Variants in PDE9A observed in about 807,000 individuals in gnomAD.
PDE9A encodes phosphodiesterase 9A, also known as high affinity cGMP-specific 3',5'-cyclic phosphodiesterase 9A.
A neutral mutation model predicts 87.4 loss-of-function variants in PDE9A; 60 were observed. That is an observed-to-expected ratio of 0.69 (90% CI 0.56 to 0.85). PDE9A has a LOEUF of 0.85. Among genes scored for constraint, PDE9A ranks in the 40% least tolerant of loss-of-function variants. The pLI is 0.00. For missense variants in PDE9A, 665 were observed against 779.0 expected, an observed-to-expected ratio of 0.85 and a Z score of 1.74; for synonymous variants, 272 against 279.4, an observed-to-expected ratio of 0.97 and a Z score of 0.27.
At chr21:42,768,756 T>C (rs1448863158) in intron 16 of PDE9A, 1 of 985,258 alleles carries the variant, frequency 1.0e-6, no homozygotes, top group Non-Finnish European at 1.2e-6. Context: ...GTCGGGAGGC[T>C]TTCTGCAGGA....
At chr21:42,657,875 T>A (rs1037821380) in intron 1 of PDE9A, among the ~76,000 whole-genome samples, 9 of 152,250 alleles carry the variant, frequency 5.9e-5, no homozygotes, top group African/African-American at 1.9e-4. Context: ...TTGGCCTTGC[T>A]CTGCAGCTGG....
Position 42,771,411 on chromosome 21 carries a change from C to T in PDE9A, c.1686+613C>T, listed in dbSNP as rs531837558. On this transcript the variant is annotated intron_variant, in intron 18 of 19. Transcript: ENST00000291539. ...TTCCCCACGGCTGTCTGCTGTCCTG[C>T]TGCCCATGGTGTGGCCTCTGCCCCT... is the stretch of plus-strand genomic sequence containing the variant. 9.2e-5 allele frequency among the ~76,000 whole-genome samples: 14 copies of T among 152,352 alleles called. No homozygotes were observed. In the East Asian group the frequency reaches 2.5e-3, roughly 27 times the overall value.
intron 10 of PDE9A, chr21:42,758,736 G>A (rs1291150829): frequency 1.0e-5 from 4 of 398,478 alleles, no homozygotes; most frequent in African/African-American, 2.1e-5. Flanking sequence ...GGCCCTCCAC[G>A]CCCCAGGATC....
At chr21:42,748,258 G>A (rs555217966) in intron 8 of PDE9A, among the ~76,000 whole-genome samples, 1 of 152,320 alleles carries the variant, frequency 6.6e-6, no homozygotes, top group East Asian at 1.9e-4. Flanking sequence ...TCTCAGAAAT[G>A]TGTAAATGGA....
intron 15 of PDE9A, 89 bp downstream of exon 15, chr21:42,765,583 C>G (rs2056313699): frequency 1.3e-6 from 1 of 753,218 alleles, no homozygotes; most frequent in Non-Finnish European, 2.4e-6. Context: ...AGCCAAGAAG[C>G]TGAAATTATT....
At chr21:42,678,025 G>T (rs1281519934) in intron 1 of PDE9A, among the ~76,000 whole-genome samples, 1 of 152,230 alleles carries the variant, frequency 6.6e-6, no homozygotes, top group African/African-American at 2.4e-5. Flanking sequence ...ATTTCCAGTG[G>T]TCATTGGCTT....
intron 6 of PDE9A, among the ~76,000 whole-genome samples, chr21:42,732,967 C>T (rs9984865): frequency 1.1e-3 from 172 of 152,258 alleles, no homozygotes; most frequent in Non-Finnish European, 2.0e-3. Context: ...TGGGTTGGAG[C>T]CTCCAGAGAG....
At chr21:42,667,148 G>A (rs1216431753) in intron 1 of PDE9A, among the ~76,000 whole-genome samples, 1 of 152,220 alleles carries the variant, frequency 6.6e-6, no homozygotes, top group Non-Finnish European at 1.5e-5. Context: ...ACCCCAACAT[G>A]CTTTGCAGCC....
chr21:42,664,900 T>G (rs1413172251), intron 1 of PDE9A, among the ~76,000 whole-genome samples: 1 of 152,244 alleles, frequency 6.6e-6, no homozygotes, highest in African/African-American at 2.4e-5. Context: ...CTGCTGTGAG[T>G]TGAATTGTGT....
chr21:42,751,682 G>A (rs930156025), intron 9 of PDE9A, among the ~76,000 whole-genome samples: 1 of 151,540 alleles, frequency 6.6e-6, no homozygotes, highest in Admixed American at 6.6e-5. Context: ...GGAGGGTCTC[G>A]AGTTGCCGGT....
At chr21:42,655,567 G>A (rs557475462) in intron 1 of PDE9A, among the ~76,000 whole-genome samples, 1 of 152,234 alleles carries the variant, frequency 6.6e-6, no homozygotes, top group East Asian at 1.9e-4. Context: ...GGGGAGAGGC[G>A]GATTGACTGC....
At position 42,759,194 on chromosome 21, in the gene PDE9A, C is replaced by T. The variant is rs571328200; in HGVS notation, c.897+109C>T. 1.5e-5 allele frequency: 11 copies of T among 738,512 alleles called. No individual in the cohort carries two copies. The highest frequency in any genetic ancestry group is 1.4e-4 in the South Asian group (9 of 62,336). The allele number at this position is 738,512 out of a possible 1,614,324, so 45.7% of individuals were successfully genotyped here. A position where few individuals can be genotyped will look rare whatever the true frequency, so the allele number is the denominator to read the frequency against. ...GCACCTTCCGGATGGCACTGCGCTC[C>T]CTGTGAGCAGAGGTGACATTTCCCC... is the stretch of plus-strand genomic sequence containing the variant. On this transcript the variant is annotated intron_variant, in intron 11 of 19. Coordinates refer to ENST00000291539, the MANE Select transcript of PDE9A (RefSeq NM_002606.3). The surrounding 1 kb of genome is among the most constrained non-coding windows in gnomAD (Gnocchi z 7.2).
At chr21:42,770,911 G>A (rs2056969672) in intron 18 of PDE9A, 113 bp downstream of exon 18, 14 of 738,182 alleles carry the variant, frequency 1.9e-5, no homozygotes, top group African/African-American at 7.0e-5. Context: ...TGAAGGCCCC[G>A]TGGACAGGCA....
In PDE9A at chr21:42,675,232, T is replaced by G. The variant is rs557295315; in HGVS notation, c.70-10960T>G. ...TAAATTGTCTTCAAAAACATGATTTTAATGCCTCTATAAAGTTCCATCATG... is the reference window on the plus strand; with the variant it reads ...TAAATTGTCTTCAAAAACATGATTTGAATGCCTCTATAAAGTTCCATCATG... On this transcript the variant is annotated intron_variant, in intron 1 of 19. Coordinates refer to ENST00000291539, the MANE Select transcript of PDE9A (RefSeq NM_002606.3). This position sits in a 1 kb window ranked among gnomAD's most constrained non-coding sequence, Gnocchi z 4.3. Among the ~76,000 whole-genome samples, 1 of 152,386 alleles carries G rather than the reference T, an allele frequency of 6.6e-6. No homozygotes were observed. The highest frequency in any genetic ancestry group is 2.1e-4 in the South Asian group (1 of 4,832).
In PDE9A at chr21:42,769,059, G is replaced by C; in HGVS notation, c.1494G>C (p.Val498=). The C allele has an allele frequency of 6.2e-7, 1 of 1,613,496 alleles. No homozygotes were observed. The highest frequency in any genetic ancestry group is 8.5e-7 in the Non-Finnish European group (1 of 1,179,550). ...GTGAGAAGTCAGAAGGCCTTCCTGT[G>C]GCACCGTTCATGGACCGAGACAAAG... is the stretch of plus-strand genomic sequence containing the variant. ...SDREKSEGLP[V]APFMDRDKVT... Residue 498 remains valine (V), a synonymous_variant, in exon 17 of 20, where the codon GTG becomes GTC. Coordinates refer to ENST00000291539, the MANE Select transcript of PDE9A (RefSeq NM_002606.3).
intron 4 of PDE9A, among the ~76,000 whole-genome samples, chr21:42,716,484 T>A (rs1199941433): frequency 1.3e-5 from 2 of 151,732 alleles, no homozygotes; most frequent in Admixed American, 1.3e-4. Context: ...TAGTGACATA[T>A]CATGATAAGC....
rs545341752 is a variant in PDE9A at position 42,763,920 on chromosome 21, G to A, written c.1243-1461G>A. Among the ~76,000 whole-genome samples the A allele has an allele frequency of 6.9e-4, 105 of 152,356 alleles. 3 individuals carry two copies. In the South Asian group the frequency reaches 0.02, roughly 29 times the overall value. Reference sequence around the variant, plus strand: ...TCAGTGAAGCATTTGGGGAAGCTCCGAGGAAGCAGCATGCTCCCTGGGACG... The same window carrying A: ...TCAGTGAAGCATTTGGGGAAGCTCCAAGGAAGCAGCATGCTCCCTGGGACG... On this transcript the variant is annotated intron_variant, in intron 14 of 19. Transcript: ENST00000291539.
At chr21:42,732,303 A>G (rs556555439) in intron 6 of PDE9A, among the ~76,000 whole-genome samples, 179 bp downstream of exon 6, 6 of 152,288 alleles carry the variant, frequency 3.9e-5, no homozygotes, top group African/African-American at 1.4e-4. Context: ...GCCAGCTTGG[A>G]TGGGGCCCAG....
chr21:42,667,156 G>A (rs985652678), intron 1 of PDE9A, among the ~76,000 whole-genome samples: 5 of 152,258 alleles, frequency 3.3e-5, no homozygotes, highest in African/African-American at 9.6e-5. Flanking sequence ...ATGCTTTGCA[G>A]CCTGGCCAAC....
Sources: allele counts gnomAD v4.1 joint callset (sites outside exome capture counted in the v4.1 genomes callset), GRCh38; gene constraint gnomAD v4.1.1; non-coding constraint Gnocchi (gnomAD v3.1); transcripts MANE v1.5; gene names NCBI Gene and HGNC (gene_info 2026-07-23, HGNC 2026-07-21).